The following USP8 variants were observed in gnomAD, a reference collection of about 807,000 sequenced individuals.
USP8 encodes ubiquitin specific peptidase 8.
Under a neutral mutation model 130.0 loss-of-function variants are expected in USP8, and 27 were observed. The observed-to-expected ratio is 0.21, with a 90% CI of 0.15 to 0.29. The LOEUF is 0.29. Among genes scored for constraint, USP8 ranks in the 10% least tolerant of loss-of-function variants. The pLI, the probability that USP8 is intolerant of heterozygous loss-of-function variation, is 1.00. For synonymous variants in USP8, 392 were observed against 444.1 expected, an observed-to-expected ratio of 0.88 and a Z score of 1.48; for missense variants, 1,029 against 1,312.2, an observed-to-expected ratio of 0.78 and a Z score of 3.33.
chr15:50,474,572 T>A (rs1313715609), intron 8 of USP8, among the ~76,000 whole-genome samples: 2 of 152,178 alleles, frequency 1.3e-5, no homozygotes, highest in African/African-American at 4.8e-5. Context: ...TGTGAATGAT[T>A]AGTGTATGAT....
chr15:50,443,586 C>T (rs557005334), intron 3 of USP8, among the ~76,000 whole-genome samples: 4 of 151,834 alleles, frequency 2.6e-5, no homozygotes, highest in African/African-American at 7.3e-5. Context: ...CAGGTTCAAG[C>T]GGTTCTCCTG....
At chr15:50,474,934 C>A (rs2051510122) in intron 8 of USP8, among the ~76,000 whole-genome samples, 1 of 152,072 alleles carries the variant, frequency 6.6e-6, no homozygotes. Flanking sequence ...CATGGCGAAA[C>A]CCCATCTCTA....
chr15:50,430,499 G>C (rs988408839), intron 1 of USP8, among the ~76,000 whole-genome samples: 9 of 152,096 alleles, frequency 5.9e-5, no homozygotes, highest in Non-Finnish European at 8.8e-5. Context: ...AACCTCCCAG[G>C]CTCAAGGAAG....
intron 8 of USP8, among the ~76,000 whole-genome samples, chr15:50,475,187 G>A (rs1291332273): frequency 3.3e-5 from 5 of 152,142 alleles, no homozygotes; most frequent in African/African-American, 9.6e-5. Context: ...CAATATATAT[G>A]ACAAAGACCT....
intron 17 of USP8, among the ~76,000 whole-genome samples, chr15:50,496,577 T>C (rs2052420066): frequency 6.6e-6 from 1 of 152,168 alleles, no homozygotes; most frequent in Non-Finnish European, 1.5e-5. Context: ...TAGAAATTTC[T>C]TTTTTAAAGA....
At chr15:50,429,154 C>T (rs1343002971) in intron 1 of USP8, among the ~76,000 whole-genome samples, 2 of 152,132 alleles carry the variant, frequency 1.3e-5, no homozygotes, top group African/African-American at 4.8e-5. Context: ...AAAGCGAAAC[C>T]ATGGATAAGG....
At chr15:50,493,675 G>T in intron 15 of USP8, 1 of 371,722 alleles carries the variant, frequency 2.7e-6, no homozygotes, top group Non-Finnish European at 5.2e-6. Flanking sequence ...AGCCCAGAAG[G>T]TCAAGGCTGC....
intron 4 of USP8, among the ~76,000 whole-genome samples, chr15:50,450,712 C>T (rs1037541517): frequency 1.3e-5 from 2 of 152,094 alleles, no homozygotes; most frequent in Non-Finnish European, 2.9e-5. Flanking sequence ...CTCCGATGAT[C>T]TGCCTGCCTC....
chr15:50,432,715 A>T (rs984304148), intron 1 of USP8, among the ~76,000 whole-genome samples: 4 of 152,230 alleles, frequency 2.6e-5, no homozygotes, highest in African/African-American at 9.6e-5. Flanking sequence ...ACATGTACAT[A>T]ACTGAAACAA....
chr15:50,450,462 C>CTTTTTTTTTTTTTTTTTTTTTTTTTT (rs35800074), intron 4 of USP8, among the ~76,000 whole-genome samples: 5 of 80,456 alleles, frequency 6.2e-5, no homozygotes, highest in South Asian at 9.8e-4. Context: ...GTTAGTCATT[C>CTTTTTTTTTTTTTTTTTTTTTTTTTT]TTTTTTTTTT....
Position 50,481,488 on chromosome 15 carries a change from G to T in USP8, c.1226G>T (p.Arg409Leu), listed in dbSNP as rs114434131. Residue 409 changes from arginine (R) to leucine (L), a missense_variant, in exon 11 of 20, where the codon CGT becomes CTT. Arg to Leu is a moderately radical substitution (Grantham distance 102). Around this residue, in one of 4 missense-constraint regions of USP8, gnomAD observed 486 missense variants for 522.0 expected, o/e 0.93. Coordinates refer to ENST00000307179, the MANE Select transcript of USP8 (RefSeq NM_005154.5). ...CTGGTTTTGTTGCTCTAGATTGATC[G>T]TACTAAAAAACCAGCAGTCAAATTG... ...PSIKNVPQID[R>L]TKKPAVKLPE... The T allele has an allele frequency of 6.3e-7, 1 of 1,583,408 alleles. No individual in the cohort carries two copies. The highest frequency in any genetic ancestry group is 1.4e-5 in the African/African-American group (1 of 73,042).
At chr15:50,429,005 C>G (rs780138656) in intron 1 of USP8, among the ~76,000 whole-genome samples, 3 of 152,216 alleles carry the variant, frequency 2.0e-5, no homozygotes, top group Non-Finnish European at 4.4e-5. Context: ...TGTGGATACA[C>G]TGGACAAAGG....
rs942688916 is a variant in USP8 at position 50,481,709 on chromosome 15, C to T, written c.1447C>T (p.Arg483Trp). The change falls in exon 11 of 20, where the codon CGG (arginine) becomes TGG (tryptophan). Residue 483 changes from arginine (R) to tryptophan (W), a missense_variant. Arg to Trp is a moderately radical substitution (Grantham distance 101). This residue lies in a region of USP8 where 486 missense variants were observed against 522.0 expected (regional missense o/e 0.93). Transcript: ENST00000307179. ...AAAAAACAAACAAGAAAAAGAACTT[C>T]GGGAAAGGCAGCAAGAGGAACAGAA... ...MEKNKQEKEL[R>W]ERQQEEQKEK... The T allele has an allele frequency of 8.1e-6, 13 of 1,611,360 alleles. No homozygotes were observed. Among genetic ancestry groups the T allele is most frequent in the South Asian group, 3.3e-5 (3 of 90,264 alleles).
chr15:50,491,412 A>G (rs559562946), intron 14 of USP8, among the ~76,000 whole-genome samples: 2 of 152,342 alleles, frequency 1.3e-5, no homozygotes, highest in South Asian at 4.1e-4. Context: ...TAATCTTGTT[A>G]TAGATTTTAG....
intron 4 of USP8, among the ~76,000 whole-genome samples, chr15:50,455,579 T>C (rs2050765718): frequency 6.6e-6 from 1 of 152,204 alleles, no homozygotes; most frequent in South Asian, 2.1e-4. Flanking sequence ...TGTTGTCCTA[T>C]TTTTCTTTTT....
At chr15:50,444,732 AT>A in intron 3 of USP8, 1 of 152,188 alleles carries the variant, frequency 6.6e-6, no homozygotes, top group South Asian at 2.1e-4. Context: ...TGTCCAGAGG[AT>A]CTCATCTGCT....
chr15:50,476,358 A>G (rs1245830445), intron 8 of USP8, among the ~76,000 whole-genome samples: 1 of 152,218 alleles, frequency 6.6e-6, no homozygotes. Context: ...AGAGCCCAAG[A>G]GGTCAAGGCT....
chr15:50,435,195 C>G (rs892617974), intron 1 of USP8, among the ~76,000 whole-genome samples: 2 of 152,124 alleles, frequency 1.3e-5, no homozygotes, highest in African/African-American at 4.8e-5. Context: ...AAAAATGTAA[C>G]ATGTTAAATT....
At chr15:50,476,290 G>A (rs143314193) in intron 8 of USP8, among the ~76,000 whole-genome samples, 6 of 152,276 alleles carry the variant, frequency 3.9e-5, no homozygotes, top group African/African-American at 1.4e-4. Flanking sequence ...TTAGCTGGCC[G>A]TGTTGGCGCG....
Sources: gnomAD v4.1 joint callset for allele counts (sites outside exome capture counted in the v4.1 genomes callset) on GRCh38, gnomAD v4.1.1 for gene constraint, gnomAD v4.1.1 regional missense constraint, MANE v1.5 for transcripts, NCBI Gene and HGNC (gene_info 2026-07-23, HGNC 2026-07-21) for gene names.